The following ESPNL variants were observed in gnomAD, a reference collection of about 807,000 sequenced individuals.
ESPNL encodes espin-like protein.
ESPNL carries 49 observed loss-of-function variants against 46.8 expected under a neutral mutation model. The observed-to-expected ratio is 1.05, with a 90% CI of 0.83 to 1.33. The LOEUF (loss-of-function observed/expected upper bound fraction) is 1.33, where lower values mean the gene tolerates loss of function less well. Ranked by LOEUF, ESPNL falls within the 40% of genes most tolerant of loss-of-function variation. The pLI is 0.00. For synonymous variants in ESPNL, 664 were observed against 662.1 expected, an observed-to-expected ratio of 1.00 and a Z score of -0.04; for missense variants, 1,540 against 1,436.6, an observed-to-expected ratio of 1.07 and a Z score of -1.16.
At chr2:238,112,081 T>A (rs1052297555) in intron 4 of ESPNL, among the ~76,000 whole-genome samples, 1 of 152,146 alleles carries the variant, frequency 6.6e-6, no homozygotes. Flanking sequence ...ATATTAGACT[T>A]ATTTTTTTCT....
Position 238,130,538 on chromosome 2 carries a change from G to T in ESPNL, c.1824G>T (p.Lys608Asn). The change falls in exon 9 of 9, where the codon AAG becomes AAT. Residue 608 changes from lysine (K) to asparagine (N), a missense_variant. Lys to Asn is a moderately conservative substitution (Grantham distance 94). Coordinates refer to ENST00000343063, the MANE Select transcript of ESPNL (RefSeq NM_194312.4). ...RLVRSLSLLL[K>N]GVHGLVQGDE... ...TACGCAGCCTGTCCCTGCTGCTGAA[G>T]GGCGTGCATGGGCTAGTACAGGGGG... 6.3e-7 allele frequency: 1 copy of T among 1,591,140 alleles called. No individual in the cohort carries two copies. The highest frequency in any genetic ancestry group is 8.6e-7 in the Non-Finnish European group (1 of 1,169,356).
Position 238,133,226 on chromosome 2 carries a change from C to A in ESPNL, c.*1494C>A, listed in dbSNP as rs1692383327. 1 of 152,282 alleles carries A rather than the reference C, an allele frequency of 6.6e-6. No homozygotes were observed. Among genetic ancestry groups the A allele is most frequent in the Admixed American group, 6.5e-5 (1 of 15,286 alleles). The allele number at this position is 152,282 out of a possible 1,614,324, so 9.4% of individuals were successfully genotyped here. ...CTCCGGCTTCCTCCACTGCTGAAGA[C>A]CCTGCTGTAGAGCTGAAGCTGAACA... On this transcript the variant is annotated 3_prime_UTR_variant, in exon 9 of 9. Coordinates refer to ENST00000343063, the MANE Select transcript of ESPNL (RefSeq NM_194312.4).
chr2:238,127,410 C>G, intron 6 of ESPNL: 1 of 1,330,776 alleles, frequency 7.5e-7, no homozygotes, highest in South Asian at 2.0e-5. Flanking sequence ...GCAGGCTCTC[C>G]CATCGACCAG....
In ESPNL at chr2:238,124,814, C is replaced by A. The variant is rs3889468; in HGVS notation, c.988-456C>A. Reference sequence around the variant, plus strand: ...GTGCGTGTGTGTGCAGGAGAGTGTACGTGCATGTGTGCAGGAGAGTACATG... The same window carrying A: ...GTGCGTGTGTGTGCAGGAGAGTGTAAGTGCATGTGTGCAGGAGAGTACATG... On this transcript the variant is annotated intron_variant, in intron 5 of 8. Transcript: ENST00000343063. 1.7e-3 allele frequency among the ~76,000 whole-genome samples: 254 copies of A among 147,372 alleles called. 12 individuals carry two copies. The highest frequency in any genetic ancestry group is 0.016 in the Admixed American group (237 of 14,870).
At chr2:238,116,095 A>C (rs535827565) in intron 4 of ESPNL, among the ~76,000 whole-genome samples, 1 of 152,352 alleles carries the variant, frequency 6.6e-6, no homozygotes, top group South Asian at 2.1e-4. Context: ...GCGTTCGCCT[A>C]ACTCGAGTTC....
At chr2:238,116,806 C>G (rs1691825997) in intron 4 of ESPNL, 97 bp from the exon 5 acceptor site, 1 of 1,470,490 alleles carries the variant, frequency 6.8e-7, no homozygotes, top group Admixed American at 1.9e-5. Context: ...TCAGGGCAGC[C>G]TGCGCCATGG....
At chr2:238,104,207 C>T (rs1027904092) in intron 2 of ESPNL, among the ~76,000 whole-genome samples, 1 of 152,162 alleles carries the variant, frequency 6.6e-6, no homozygotes, top group Non-Finnish European at 1.5e-5. Flanking sequence ...TGACCCTCCC[C>T]GGTGACTTTG....
In ESPNL at chr2:238,130,400, G is replaced by C. The variant is rs201297433; in HGVS notation, c.1686G>C (p.Glu562Asp). ...SHFLPRAPGL[E>D]VEEASIPAAE... ...TCCTGCCCCGGGCGCCCGGACTGGA[G>C]GTTGAGGAGGCCTCAATCCCAGCGG... Residue 562 changes from glutamate to aspartate, a missense_variant, in exon 9 of 9, where the codon GAG (glutamate) becomes GAC (aspartate). By Grantham distance (45) the Glu-to-Asp change is conservative. Transcript: ENST00000343063. The C allele has an allele frequency of 1.7e-5, 27 of 1,610,824 alleles. No homozygotes were observed. In the African/African-American group the frequency reaches 3.5e-4, roughly 21 times the overall value.
Position 238,130,276 on chromosome 2 carries a change from G to T in ESPNL, c.1562G>T (p.Arg521Leu), listed in dbSNP as rs144338731. The change falls in exon 9 of 9, where the codon CGC (arginine) becomes CTC (leucine). Residue 521 changes from arginine to leucine, a missense_variant. By Grantham distance (102) the Arg-to-Leu change is moderately radical. Transcript: ENST00000343063. ...EKQIADLQLR[R>L]RCQEYESELG... Reference sequence around the variant, plus strand: ...CAGATTGCAGACCTGCAGCTTCGGCGCCGCTGTCAGGAGTATGAGAGTGAG... The same window carrying T: ...CAGATTGCAGACCTGCAGCTTCGGCTCCGCTGTCAGGAGTATGAGAGTGAG... The T allele has an allele frequency of 1.2e-6, 2 of 1,607,114 alleles. No homozygotes were observed. The highest frequency in any genetic ancestry group is 1.7e-6 in the Non-Finnish European group (2 of 1,177,466).
chr2:238,102,238 A>G, intron 2 of ESPNL, 107 bp downstream of exon 2: 1 of 999,312 alleles, frequency 1.0e-6, no homozygotes, highest in Non-Finnish European at 1.4e-6. Context: ...TTTGAGGTGA[A>G]TCCTGCAGGC....
At chr2:238,113,157 A>C (rs1691747968) in intron 4 of ESPNL, among the ~76,000 whole-genome samples, 1 of 152,180 alleles carries the variant, frequency 6.6e-6, no homozygotes, top group Admixed American at 6.5e-5. Context: ...GTTTTATCTG[A>C]TATATGTATA....
intron 5 of ESPNL, among the ~76,000 whole-genome samples, chr2:238,122,704 G>T (rs1692014843): frequency 1.3e-5 from 2 of 152,240 alleles, no homozygotes; most frequent in African/African-American, 4.8e-5. Context: ...CTCAGGGAGG[G>T]GGCTGAGGGC....
intron 3 of ESPNL, among the ~76,000 whole-genome samples, chr2:238,107,185 AGAGGACTGTCACCTG>A: frequency 6.6e-6 from 1 of 152,338 alleles, no homozygotes; most frequent in East Asian, 1.9e-4. Context: ...AAGTCAGTGT[AGAGGACTGTCACCTG>A]GCTGGTGCTG....
At position 238,100,389 on chromosome 2, in the gene ESPNL, A is replaced by T. The variant is rs761012826; in HGVS notation, c.-31A>T. ...TGAAACAGGAAGCCCCAGCCTGTGC[A>T]TGAGTCGCCACTGAGAGCCCGGGCC... On this transcript the variant is annotated 5_prime_UTR_variant, in exon 1 of 9. The change abolishes an upstream ATG in the 5' untranslated region. Coordinates refer to ENST00000343063, the MANE Select transcript of ESPNL (RefSeq NM_194312.4). 1 of 1,557,420 alleles carries T rather than the reference A, an allele frequency of 6.4e-7. No individual in the cohort carries two copies. Among genetic ancestry groups the T allele is most frequent in the Non-Finnish European group, 8.7e-7 (1 of 1,155,216 alleles).
In ESPNL at chr2:238,100,648, G is replaced by A. The variant is rs1247738567; in HGVS notation, c.229G>A (p.Ala77Thr). The change falls in exon 1 of 9, where the codon GCC becomes ACC. Residue 77 changes from alanine to threonine, a missense_variant. Physicochemically the swap from Ala to Thr is moderately conservative, Grantham distance 58 (BLOSUM62 0). Coordinates refer to ENST00000343063, the MANE Select transcript of ESPNL (RefSeq NM_194312.4). ...AHNGATPAHD[A>T]AATGSLAELC... ...CAACGGGGCCACCCCAGCGCATGAC[G>A]CCGCTGCCACGGGCAGCCTGGCCGA... 1.4e-6 allele frequency: 2 copies of A among 1,449,018 alleles called. No individual in the cohort carries two copies. Among genetic ancestry groups the A allele is most frequent in the Non-Finnish European group, 9.0e-7 (1 of 1,107,996 alleles). 89.8% of individuals were successfully genotyped at this position (1,449,018 alleles called of 1,614,324 possible).
chr2:238,119,672 C>T (rs989646893), intron 5 of ESPNL, among the ~76,000 whole-genome samples: 3 of 151,980 alleles, frequency 2.0e-5, no homozygotes, highest in African/African-American at 7.3e-5. Flanking sequence ...CGGTTTCTGC[C>T]ACACCTCTTT....
chr2:238,119,907 A>G (rs1219003113), intron 5 of ESPNL, among the ~76,000 whole-genome samples: 1 of 151,906 alleles, frequency 6.6e-6, no homozygotes, highest in Non-Finnish European at 1.5e-5. Flanking sequence ...CCTGCTGGAC[A>G]CTTGTCACAC....
chr2:238,131,314 A>T lies in ESPNL; in HGVS notation c.2600A>T (p.Glu867Val), dbSNP rs375986775. The T allele has an allele frequency of 3.5e-5, 56 of 1,585,176 alleles. No individual in the cohort carries two copies. The highest frequency in any genetic ancestry group is 4.6e-5 in the Non-Finnish European group (54 of 1,166,572). The stretch of plus-strand genomic sequence containing the variant: ...ATGCTGGGTTACTTCCAGCTGCTGG[A>T]GTGCGACCTGCCGGCGGAGGAGCGG... Reference protein sequence around the residue: ...LFMLGYFQLLECDLPAEERKL... With the variant: ...LFMLGYFQLLVCDLPAEERKL... Residue 867 changes from glutamate to valine, a missense_variant, in exon 9 of 9, where the codon GAG becomes GTG. Coordinates refer to ENST00000343063, the MANE Select transcript of ESPNL (RefSeq NM_194312.4).
At chr2:238,127,428 C>T (rs934479517) in intron 6 of ESPNL, 194 bp from the exon 7 acceptor site, 10 of 1,321,768 alleles carry the variant, frequency 7.6e-6, no homozygotes, top group African/African-American at 1.6e-5. Flanking sequence ...CAGGCGGGGG[C>T]GGGCCCCACT....
Sources: gnomAD v4.1 joint callset for allele counts (sites outside exome capture counted in the v4.1 genomes callset) on GRCh38, gnomAD v4.1.1 for gene constraint, MANE v1.5 for transcripts, NCBI Gene and HGNC (gene_info 2026-07-23, HGNC 2026-07-21) for gene names.